Variants in EPM2A observed in about 807,000 individuals in gnomAD.
EPM2A encodes laforin.
In EPM2A, 21 loss-of-function variants were observed where a neutral mutation model predicts 26.5. The observed-to-expected ratio is 0.79, with a 90% CI of 0.56 to 1.14. The LOEUF (loss-of-function observed/expected upper bound fraction) is 1.14, where lower values mean the gene tolerates loss of function less well. Among genes scored for constraint, EPM2A ranks in the 50% most tolerant of loss-of-function variants. The probability of loss-of-function intolerance (pLI) is 0.00; values close to 1 mark genes in which losing one functional copy is unlikely to be tolerated. For missense variants in EPM2A, 458 were observed against 440.8 expected, an observed-to-expected ratio of 1.04 and a Z score of -0.35; for synonymous variants, 217 against 177.6, an observed-to-expected ratio of 1.22 and a Z score of -1.76.
intron 1 of EPM2A, among the ~76,000 whole-genome samples, chr6:145,694,383 G>T (rs1406127984): frequency 6.6e-6 from 1 of 151,960 alleles, no homozygotes; most frequent in Non-Finnish European, 1.5e-5. Flanking sequence ...CAAAAACAAA[G>T]AAATAAAACG....
At chr6:145,553,353 A>G (rs1248899590) in intron 2 of EPM2A, among the ~76,000 whole-genome samples, 1 of 152,142 alleles carries the variant, frequency 6.6e-6, no homozygotes, top group Non-Finnish European at 1.5e-5. Context: ...CAAGAAATTC[A>G]TTCTGGATAT....
At chr6:145,720,346 T>C (rs968868693) in intron 1 of EPM2A, among the ~76,000 whole-genome samples, 1 of 152,208 alleles carries the variant, frequency 6.6e-6, no homozygotes, top group Non-Finnish European at 1.5e-5. Context: ...TATTTTTACA[T>C]AAAATAGTTT....
At chr6:145,409,032 T>C (rs1778607736) in intron 4 of EPM2A, among the ~76,000 whole-genome samples, 1 of 152,202 alleles carries the variant, frequency 6.6e-6, no homozygotes, top group Non-Finnish European at 1.5e-5. Context: ...ATTATTTATT[T>C]TGCCCTTTAA....
Position 145,542,105 on chromosome 6 carries a change from A to C in EPM2A, c.341-39530T>G, listed in dbSNP as rs563621932. Among the ~76,000 whole-genome samples the C allele has an allele frequency of 3.9e-5, 6 of 152,346 alleles. No homozygotes were observed. The South Asian group carries it at 1.2e-3, about 32-fold the overall frequency. On this transcript the variant is annotated intron_variant, in intron 2 of 3. Coordinates refer to the EPM2A transcript ENST00000450221. Reference sequence around the variant, plus strand: ...ATAACTGAAAGGAAAACATTGAGTTAGAAAGTCAAAAGTCTATGTCTTCAC... The same window carrying C: ...ATAACTGAAAGGAAAACATTGAGTTCGAAAGTCAAAAGTCTATGTCTTCAC...
At chr6:145,462,134 A>T (rs1779334728) in intron 4 of EPM2A, among the ~76,000 whole-genome samples, 2 of 152,242 alleles carry the variant, frequency 1.3e-5, no homozygotes, top group South Asian at 2.1e-4. Context: ...ATACCAACAA[A>T]TCTGTATTGT....
At chr6:145,695,726 T>C (rs1340497181) in intron 1 of EPM2A, among the ~76,000 whole-genome samples, 1 of 152,006 alleles carries the variant, frequency 6.6e-6, no homozygotes, top group Admixed American at 6.6e-5. Flanking sequence ...ATGATAAAGG[T>C]GTCAATTCTT....
chr6:145,645,609 T>C (rs554081523), intron 2 of EPM2A, among the ~76,000 whole-genome samples: 1 of 152,088 alleles, frequency 6.6e-6, no homozygotes, highest in East Asian at 1.9e-4. Flanking sequence ...TGGCAAACTT[T>C]TTTTTTTTTG....
At chr6:145,604,189 G>T (rs1363781710) in intron 2 of EPM2A, among the ~76,000 whole-genome samples, 3 of 152,102 alleles carry the variant, frequency 2.0e-5, no homozygotes, top group Non-Finnish European at 4.4e-5. Context: ...TTGGGACCAT[G>T]TGGAAAAATT....
intron 4 of EPM2A, among the ~76,000 whole-genome samples, chr6:145,462,039 T>C (rs1410805648): frequency 2.6e-5 from 4 of 152,206 alleles, no homozygotes; most frequent in Admixed American, 2.6e-4. Flanking sequence ...TGTGGGACCA[T>C]GGGCAAATTC....
chr6:145,710,504 C>T lies in EPM2A; in HGVS notation c.302-24208G>A, dbSNP rs565364286. ...TGGAGAGGATGTAGAGAAATAGGAA[C>T]ACTTTTACACTGTTGGTGGGACTGT... On this transcript the variant is annotated intron_variant, in intron 1 of 3. Transcript: ENST00000367519. Among the ~76,000 whole-genome samples the T allele has an allele frequency of 7.2e-3, 1,101 of 152,242 alleles. 4 individuals are homozygous for T. The highest frequency in any genetic ancestry group is 0.012 in the Non-Finnish European group (817 of 68,022).
intron 2 of EPM2A, among the ~76,000 whole-genome samples, chr6:145,647,543 A>C (rs1434176476): frequency 6.6e-6 from 1 of 152,218 alleles, no homozygotes; most frequent in East Asian, 1.9e-4. Context: ...CTGAATTATG[A>C]GTTTTCTTAA....
At chr6:145,614,147 GTACTTT>G (rs1465747442) in intron 2 of EPM2A, among the ~76,000 whole-genome samples, 1 of 152,176 alleles carries the variant, frequency 6.6e-6, no homozygotes, top group Non-Finnish European at 1.5e-5. Context: ...GTTTCACCTT[GTACTTT>G]TATTTTATGG....
Position 145,596,242 on chromosome 6 carries a change from G to A in EPM2A, c.340+39003C>T, listed in dbSNP as rs532758199. 6.6e-5 allele frequency among the ~76,000 whole-genome samples: 10 copies of A among 152,242 alleles called. No homozygotes were observed. The South Asian group carries it at 1.9e-3, about 28-fold the overall frequency. On this transcript the variant is annotated intron_variant, in intron 2 of 3. Transcript: ENST00000450221. ...CTGATGAAATATGTTTGTATGATAG[G>A]TAATTGTGCAATTTGTAATTTTGTA...
chr6:145,492,176 A>G, intron 4 of EPM2A: 1 of 200,588 alleles, frequency 5.0e-6, no homozygotes, highest in South Asian at 8.3e-5. Flanking sequence ...CAGGAACTGG[A>G]GTGTGGGTCT....
At chr6:145,458,691 C>T (rs1779292801) in intron 4 of EPM2A, among the ~76,000 whole-genome samples, 1 of 152,076 alleles carries the variant, frequency 6.6e-6, no homozygotes, top group Admixed American at 6.6e-5. Flanking sequence ...CCTGTCCAAC[C>T]TAGTCAGAGC....
At chr6:145,576,750 T>G (rs1051418735) in intron 2 of EPM2A, among the ~76,000 whole-genome samples, 4 of 152,154 alleles carry the variant, frequency 2.6e-5, no homozygotes, top group Non-Finnish European at 1.5e-5. Flanking sequence ...AATATGTTAA[T>G]ACTTAAAACT....
chr6:145,536,457 G>A (rs571087516), intron 2 of EPM2A, among the ~76,000 whole-genome samples: 51 of 152,050 alleles, frequency 3.4e-4, no homozygotes, highest in South Asian at 8.3e-4. Context: ...CACCACACCC[G>A]GCTAATTTTT....
intron 2 of EPM2A, among the ~76,000 whole-genome samples, chr6:145,543,133 A>G (rs1780537139): frequency 6.6e-6 from 1 of 152,156 alleles, no homozygotes; most frequent in South Asian, 2.1e-4. Context: ...TCTCATTGCT[A>G]TATTAGATTT....
intron 2 of EPM2A, among the ~76,000 whole-genome samples, chr6:145,661,635 T>TA (rs1320823098): frequency 6.6e-6 from 1 of 152,236 alleles, no homozygotes; most frequent in Non-Finnish European, 1.5e-5. Context: ...CAGTAGGAAA[T>TA]AGTGTTAAAC....
Sources: allele counts gnomAD v4.1 joint callset (sites outside exome capture counted in the v4.1 genomes callset), GRCh38; gene constraint gnomAD v4.1.1; transcripts MANE v1.5; gene names NCBI Gene and HGNC (gene_info 2026-07-23, HGNC 2026-07-21).